RIOK1: variants seen among roughly 807,000 people sequenced by gnomAD.
RIOK1 encodes RIO kinase 1.
Under a neutral mutation model 73.5 loss-of-function variants are expected in RIOK1, and 66 were observed. The observed-to-expected ratio is 0.90, with a 90% CI of 0.74 to 1.10. The LOEUF (loss-of-function observed/expected upper bound fraction) is 1.10, where lower values mean the gene tolerates loss of function less well. Ranked by LOEUF, RIOK1 falls within the 50% of genes least tolerant of loss-of-function variation. The probability of loss-of-function intolerance (pLI) is 0.00; values close to 1 mark genes in which losing one functional copy is unlikely to be tolerated. For missense variants in RIOK1, 658 were observed against 699.8 expected, an observed-to-expected ratio of 0.94 and a Z score of 0.67; for synonymous variants, 224 against 226.8, an observed-to-expected ratio of 0.99 and a Z score of 0.11.
At chr6:7,400,488 T>A (rs1761584066) in intron 5 of RIOK1, among the ~76,000 whole-genome samples, 1 of 152,200 alleles carries the variant, frequency 6.6e-6, no homozygotes, top group African/African-American at 2.4e-5. Context: ...GTTTGGAGAC[T>A]TAGTGTCAAA....
chr6:7,400,975 A>C lies in RIOK1; in HGVS notation c.498A>C (p.Thr166=). The change falls in exon 6 of 17, where the codon ACA becomes ACC. Residue 166 remains threonine (T), a synonymous_variant. Coordinates refer to ENST00000379834, the MANE Select transcript of RIOK1 (RefSeq NM_031480.3). ...ATVEQVLDPR[T]RMILFKMLTR... is the part of the protein sequence containing the mutation. ...CTTTTTAGGTGTTGGATCCCAGAAC[A>C]AGAATGATTTTATTCAAGATGTTGA... 1.9e-6 allele frequency: 3 copies of C among 1,609,464 alleles called. No homozygotes were observed. Among genetic ancestry groups the C allele is most frequent in the Non-Finnish European group, 2.5e-6 (3 of 1,177,376 alleles).
At chr6:7,400,900 A>T in intron 5 of RIOK1, 58 bp from the exon 6 acceptor site, 1 of 1,018,302 alleles carries the variant, frequency 9.8e-7, no homozygotes, top group Non-Finnish European at 1.5e-6. Context: ...CACAGGTTTT[A>T]ATGAGGAAAA....
intron 14 of RIOK1, 146 bp downstream of exon 14, chr6:7,411,597 G>A (rs996925933): frequency 1.1e-5 from 9 of 803,214 alleles, no homozygotes; most frequent in African/African-American, 1.8e-5. Flanking sequence ...GTGTTAACTT[G>A]TGTGCACATT....
rs1314608794 is a variant in RIOK1 at position 7,393,414 on chromosome 6, A to G, written c.276+111A>G. ...ATAACTAAAAGATTTTCTTCATGTT[A>G]TATTGTCCTGTAGCCTCAGCCTTTA... On this transcript the variant is annotated intron_variant, in intron 2 of 16. Coordinates refer to ENST00000379834, the MANE Select transcript of RIOK1 (RefSeq NM_031480.3). The G allele has an allele frequency of 8.0e-6, 7 of 879,396 alleles. No individual in the cohort carries two copies. In the East Asian group the frequency reaches 1.4e-4, roughly 18 times the overall value. 54.5% of individuals were successfully genotyped at this position (879,396 alleles called of 1,614,324 possible).
intron 10 of RIOK1, 31 bp from the exon 11 acceptor site, chr6:7,404,887 A>G: frequency 6.5e-7 from 1 of 1,542,222 alleles, no homozygotes; most frequent in Non-Finnish European, 9.0e-7. Context: ...AAGTAATACC[A>G]TCCCACAGCT....
chr6:7,391,186 T>C (rs1761329052), intron 1 of RIOK1, among the ~76,000 whole-genome samples: 1 of 152,350 alleles, frequency 6.6e-6, no homozygotes, highest in South Asian at 2.1e-4. Flanking sequence ...ATTGGGGATG[T>C]TTTCAATAAA....
chr6:7,401,067 A>G lies in RIOK1; in HGVS notation c.573+17A>G. The stretch of plus-strand genomic sequence containing the variant: ...GGAAAAGAAGTGAGCTCTTCTTTGG[A>G]TGATTGGATATTTAATTTTCTTATT... On this transcript the variant is annotated intron_variant, in intron 6 of 16. Transcript: ENST00000379834. 1 of 1,461,998 alleles carries G rather than the reference A, an allele frequency of 6.8e-7. No homozygotes were observed. The highest frequency in any genetic ancestry group is 9.5e-7 in the Non-Finnish European group (1 of 1,047,248). 90.6% of individuals were successfully genotyped at this position (1,461,998 alleles called of 1,614,324 possible). A position where few individuals can be genotyped will look rare whatever the true frequency, so the allele number is the denominator to read the frequency against.
At chr6:7,409,212 A>AT (rs1761825326) in intron 12 of RIOK1, among the ~76,000 whole-genome samples, 1 of 83,612 alleles carries the variant, frequency 1.2e-5, no homozygotes, top group Non-Finnish European at 2.4e-5. Flanking sequence ...CTCCCGACTA[A>AT]TTGTGTGTGT....
chr6:7,396,892 G>GGGGTGTGTGT (rs1554141229), intron 4 of RIOK1, 120 bp downstream of exon 4: 8 of 416,452 alleles, frequency 1.9e-5, no homozygotes, highest in African/African-American at 8.2e-5. Flanking sequence ...TCATTATTTT[G>GGGGTGTGTGT]GTGTGTGTGT....
chr6:7,392,237 A>T (rs1036832546), intron 1 of RIOK1, among the ~76,000 whole-genome samples: 1 of 128,182 alleles, frequency 7.8e-6, no homozygotes, highest in Non-Finnish European at 1.6e-5. Context: ...CTGAATTCTA[A>T]TATGGCAAAA....
In RIOK1 at chr6:7,398,746, A is replaced by G. The variant is rs557651569; in HGVS notation, c.480+6A>G. On this transcript the variant is annotated splice_donor_region_variant and intron_variant, in intron 5 of 16. Transcript: ENST00000379834. ...ACAGAGCAACTGTAGAACAGGTACAATTTAAATGTGTTGCAAACTCTTCTT... is the reference window on the plus strand; with the variant it reads ...ACAGAGCAACTGTAGAACAGGTACAGTTTAAATGTGTTGCAAACTCTTCTT... 6.2e-7 allele frequency: 1 copy of G among 1,606,372 alleles called. No individual in the cohort carries two copies. The highest frequency in any genetic ancestry group is 2.2e-5 in the East Asian group (1 of 44,746).
intron 15 of RIOK1, among the ~76,000 whole-genome samples, chr6:7,413,244 C>A (rs977714105): frequency 3.3e-5 from 5 of 152,124 alleles, no homozygotes; most frequent in Non-Finnish European, 7.3e-5. Context: ...TTGTGGAGCT[C>A]TTAATGATAG....
At chr6:7,396,800 G>C (rs771994087) in intron 4 of RIOK1, 28 bp downstream of exon 4, 1 of 1,227,326 alleles carries the variant, frequency 8.1e-7, no homozygotes, top group South Asian at 1.2e-5. Context: ...AATATGCATG[G>C]GTGATAAGGA....
At position 7,402,590 on chromosome 6, in the gene RIOK1, TGAC is replaced by T. The variant is rs1451475251; in HGVS notation, c.574-12_574-10del. Reference sequence around the variant, plus strand: ...CATAAACTTCATTTTCTTTTTTTTTTGACTTAATATAGGCTAATGTATACCATG... The same window carrying T: ...CATAAACTTCATTTTCTTTTTTTTTTTTAATATAGGCTAATGTATACCATG... On this transcript the variant is annotated splice_polypyrimidine_tract_variant and intron_variant, in intron 6 of 16. Transcript: ENST00000379834. The T allele has an allele frequency of 6.5e-7, 1 of 1,547,046 alleles. No homozygotes were observed. The highest frequency in any genetic ancestry group is 8.7e-7 in the Non-Finnish European group (1 of 1,149,044).
chr6:7,404,870 C>T, intron 10 of RIOK1, 48 bp from the exon 11 acceptor site: 1 of 1,467,904 alleles, frequency 6.8e-7, no homozygotes, highest in Non-Finnish European at 9.5e-7. Context: ...AAACGAAAAA[C>T]ATAGTAAAGT....
At chr6:7,392,261 A>G (rs117840676) in intron 1 of RIOK1, among the ~76,000 whole-genome samples, 5,371 of 138,294 alleles carry the variant, frequency 0.039, 172 homozygotes, top group East Asian at 0.13. Context: ...AAAAAAAAAA[A>G]AGCCCTTACT....
intron 4 of RIOK1, 25 bp from the exon 5 acceptor site, chr6:7,398,673 A>C: frequency 1.2e-6 from 2 of 1,602,252 alleles, no homozygotes; most frequent in Non-Finnish European, 1.7e-6. Context: ...GAATGTGTCA[A>C]CTATACGTTT....
chr6:7,413,171 C>T (rs1427495508), intron 15 of RIOK1, among the ~76,000 whole-genome samples: 3 of 152,016 alleles, frequency 2.0e-5, no homozygotes, highest in Non-Finnish European at 4.4e-5. Flanking sequence ...ATTTTTCTTT[C>T]TGTCTCTGAA....
At chr6:7,412,382 C>T (rs1341263293) in intron 14 of RIOK1, among the ~76,000 whole-genome samples, 2 of 150,632 alleles carry the variant, frequency 1.3e-5, no homozygotes, top group East Asian at 1.9e-4. Flanking sequence ...AGGCCCAGTA[C>T]GGAGGCTCAC....
Sources: allele counts gnomAD v4.1 joint callset (sites outside exome capture counted in the v4.1 genomes callset), GRCh38; gene constraint gnomAD v4.1.1; transcripts MANE v1.5; gene names NCBI Gene and HGNC (gene_info 2026-07-23, HGNC 2026-07-21).